Variants in ZC3H3 observed in about 807,000 individuals in gnomAD.
ZC3H3 encodes zinc finger CCCH-type containing 3.
ZC3H3 carries 36 observed loss-of-function variants against 77.3 expected under a neutral mutation model. The ratio of observed to expected loss-of-function variants is 0.47; its 90% confidence interval spans 0.36 to 0.61. The LOEUF (loss-of-function observed/expected upper bound fraction) is 0.61. Ranked by LOEUF, ZC3H3 falls within the 20% of genes least tolerant of loss-of-function variation. The probability of loss-of-function intolerance (pLI) is 0.00; values close to 1 mark genes in which losing one functional copy is unlikely to be tolerated. For missense variants in ZC3H3, 1,331 were observed against 1,312.2 expected (o/e 1.01, Z -0.22); for synonymous variants, 626 against 555.2 (o/e 1.13, Z -1.79).
intron 8 of ZC3H3, among the ~76,000 whole-genome samples, chr8:143,467,588 T>C (rs1267779678): frequency 1.3e-5 from 2 of 152,206 alleles, no homozygotes; most frequent in Non-Finnish European, 2.9e-5. Flanking sequence ...TCCACTCGCA[T>C]GCTGTGGTCA....
intron 3 of ZC3H3, among the ~76,000 whole-genome samples, chr8:143,520,119 C>T (rs916925532): frequency 3.9e-5 from 6 of 152,188 alleles, no homozygotes; most frequent in Non-Finnish European, 5.9e-5. Flanking sequence ...GGTGGGGGTG[C>T]CCAGAGCTCT....
At chr8:143,474,713 T>C (rs945661921) in intron 5 of ZC3H3, among the ~76,000 whole-genome samples, 7 of 152,058 alleles carry the variant, frequency 4.6e-5, no homozygotes, top group African/African-American at 1.7e-4. Context: ...CCACCTGCAA[T>C]CTCCCTCTTT....
rs751926424 is a variant in ZC3H3 at position 143,468,610 on chromosome 8, G to A, written c.1946+7C>T. The A allele has an allele frequency of 1.3e-6, 2 of 1,565,224 alleles. No homozygotes were observed. Among genetic ancestry groups the A allele is most frequent in the Non-Finnish European group, 1.7e-6 (2 of 1,155,614 alleles). ...AGCCCACCCACTGCCCAGCCCAAAGGCATTACCTGGCCAGGGAACGGCTAC... is the reference window on the plus strand; with the variant it reads ...AGCCCACCCACTGCCCAGCCCAAAGACATTACCTGGCCAGGGAACGGCTAC... On this transcript the variant is annotated splice_region_variant and intron_variant, in intron 6 of 11. Transcript: ENST00000262577.
chr8:143,532,855 C>T (rs1036630639), intron 3 of ZC3H3, among the ~76,000 whole-genome samples: 1 of 152,206 alleles, frequency 6.6e-6, no homozygotes, highest in Non-Finnish European at 1.5e-5. Context: ...CGCCCACCTC[C>T]CCTGCGGCCA....
chr8:143,466,701 T>C (rs1000127776), intron 8 of ZC3H3, among the ~76,000 whole-genome samples: 3 of 152,042 alleles, frequency 2.0e-5, no homozygotes, highest in African/African-American at 7.2e-5. Flanking sequence ...CCGTCCAGCC[T>C]CAGCATGGAG....
intron 4 of ZC3H3, among the ~76,000 whole-genome samples, chr8:143,497,033 C>A (rs984602322): frequency 4.6e-5 from 7 of 152,130 alleles, no homozygotes; most frequent in Non-Finnish European, 1.0e-4. Flanking sequence ...TGCAAAAGCT[C>A]GTTTATAAAG....
intron 4 of ZC3H3, among the ~76,000 whole-genome samples, chr8:143,479,482 C>T (rs1189627561): frequency 6.6e-6 from 1 of 152,218 alleles, no homozygotes; most frequent in Non-Finnish European, 1.5e-5. Flanking sequence ...AAAGGCCTCT[C>T]CCATCCGTCC....
intron 4 of ZC3H3, among the ~76,000 whole-genome samples, chr8:143,498,224 C>T (rs987243018): frequency 6.6e-6 from 1 of 152,204 alleles, no homozygotes; most frequent in South Asian, 2.1e-4. Flanking sequence ...GCCACAAAAC[C>T]CCATAGACTC....
chr8:143,540,905 G>A (rs534336990), intron 1 of ZC3H3, among the ~76,000 whole-genome samples: 1 of 152,018 alleles, frequency 6.6e-6, no homozygotes, highest in African/African-American at 2.4e-5. Context: ...GCAGTGAGCC[G>A]TGATCGCGTC....
chr8:143,480,854 C>A (rs564187029), intron 4 of ZC3H3, among the ~76,000 whole-genome samples: 1 of 152,278 alleles, frequency 6.6e-6, no homozygotes, highest in African/African-American at 2.4e-5. Flanking sequence ...GGGAAGGGGC[C>A]CGGTCTCTTG....
chr8:143,512,439 G>C (rs530651284), intron 3 of ZC3H3, among the ~76,000 whole-genome samples: 1 of 152,344 alleles, frequency 6.6e-6, no homozygotes, highest in South Asian at 2.1e-4. Flanking sequence ...TGTCTTTCCA[G>C]TCCTCTTGCA....
intron 4 of ZC3H3, chr8:143,484,923 G>A (rs927620021): frequency 1.1e-5 from 5 of 453,140 alleles, no homozygotes; most frequent in Admixed American, 4.8e-5. Context: ...CAAACTTCAT[G>A]CGGCCCTTGC....
intron 4 of ZC3H3, among the ~76,000 whole-genome samples, chr8:143,489,449 G>A (rs931474667): frequency 6.6e-6 from 1 of 152,120 alleles, no homozygotes; most frequent in African/African-American, 2.4e-5. Flanking sequence ...CCGCGGCTGG[G>A]CCACGGAGCC....
At chr8:143,529,887 C>A (rs1822546189) in intron 3 of ZC3H3, among the ~76,000 whole-genome samples, 1 of 152,210 alleles carries the variant, frequency 6.6e-6, no homozygotes, top group African/African-American at 2.4e-5. Context: ...AAAGAGTCAC[C>A]CAGGCAGGAC....
intron 4 of ZC3H3, among the ~76,000 whole-genome samples, chr8:143,492,313 G>C (rs554990548): frequency 2.0e-5 from 3 of 152,070 alleles, no homozygotes; most frequent in Admixed American, 6.5e-5. Flanking sequence ...CTGGCCCAGT[G>C]GGGGGGATCC....
In ZC3H3 at chr8:143,504,626, T is replaced by A. The variant is rs538869880; in HGVS notation, c.1715+3120A>T. Among the ~76,000 whole-genome samples the A allele has an allele frequency of 3.3e-5, 5 of 152,286 alleles. No homozygotes were observed. The East Asian group carries it at 9.7e-4, about 29-fold the overall frequency. On this transcript the variant is annotated intron_variant, in intron 4 of 11. Transcript: ENST00000262577. ...CAGGGACGGGCTGTCAGGTTCACGC[T>A]GCACTGCGCTGCCCCCAACTACACC...
intron 4 of ZC3H3, among the ~76,000 whole-genome samples, chr8:143,481,140 C>T (rs904670777): frequency 3.9e-5 from 6 of 152,166 alleles, no homozygotes; most frequent in Admixed American, 1.3e-4. Context: ...GCCAGGGGTT[C>T]GAGGCCTAGG....
intron 3 of ZC3H3, among the ~76,000 whole-genome samples, chr8:143,519,177 A>G (rs1822160456): frequency 6.6e-6 from 1 of 152,132 alleles, no homozygotes; most frequent in Non-Finnish European, 1.5e-5. Context: ...GCAGTGGGGC[A>G]CAGGGCCAGG....
At chr8:143,529,980 A>G (rs1034825685) in intron 3 of ZC3H3, among the ~76,000 whole-genome samples, 14 of 152,156 alleles carry the variant, frequency 9.2e-5, no homozygotes, top group Admixed American at 4.6e-4. Flanking sequence ...GGGTGAGTGG[A>G]GACTCCACTT....
Sources: gnomAD v4.1 joint callset for allele counts (sites outside exome capture counted in the v4.1 genomes callset) on GRCh38, gnomAD v4.1.1 for gene constraint, MANE v1.5 for transcripts, NCBI Gene and HGNC (gene_info 2026-07-23, HGNC 2026-07-21) for gene names.